CYRIA: variants seen among roughly 807,000 people sequenced by gnomAD.
CYRIA encodes CYFIP-related Rac1 interactor A.
CYRIA carries 15 observed loss-of-function variants against 43.9 expected under a neutral mutation model. The observed-to-expected ratio is 0.34, with a 90% CI of 0.23 to 0.53. CYRIA has a LOEUF of 0.53. CYRIA is among the 20% of genes least tolerant of loss of function. The probability of loss-of-function intolerance (pLI) is 0.94; values close to 1 mark genes in which losing one functional copy is unlikely to be tolerated. For missense variants in CYRIA, 236 were observed against 394.2 expected, an observed-to-expected ratio of 0.60 and a Z score of 3.40; for synonymous variants, 117 against 136.0, an observed-to-expected ratio of 0.86 and a Z score of 0.97.
intron 3 of CYRIA, among the ~76,000 whole-genome samples, chr2:16,578,554 G>C (rs1401692355): frequency 6.6e-6 from 1 of 152,092 alleles, no homozygotes; most frequent in Non-Finnish European, 1.5e-5. Context: ...CTATTTATTA[G>C]GTTGGTGCAA....
chr2:16,634,564 A>T (rs1669434454), intron 1 of CYRIA, among the ~76,000 whole-genome samples: 1 of 152,236 alleles, frequency 6.6e-6, no homozygotes, highest in Non-Finnish European at 1.5e-5. Flanking sequence ...GAAGAGGGGG[A>T]TAACTCCACT....
chr2:16,653,454 C>A (rs1415270780), intron 1 of CYRIA, among the ~76,000 whole-genome samples: 1 of 152,224 alleles, frequency 6.6e-6, no homozygotes, highest in Non-Finnish European at 1.5e-5. Context: ...ACTCTTTCCC[C>A]AAACTTGCTG....
At chr2:16,646,538 C>T (rs1289882937) in intron 1 of CYRIA, among the ~76,000 whole-genome samples, 1 of 152,178 alleles carries the variant, frequency 6.6e-6, no homozygotes, top group African/African-American at 2.4e-5. Context: ...CCAGAGAAGC[C>T]ACGTGCAGTG....
In CYRIA at chr2:16,588,036, T is replaced by G; in HGVS notation, c.70+14A>C. The G allele has an allele frequency of 1.3e-6, 2 of 1,555,018 alleles. No homozygotes were observed. Among genetic ancestry groups the G allele is most frequent in the Non-Finnish European group, 1.8e-6 (2 of 1,133,940 alleles). ...TGTAAAAAAGTTTCCATTATTATAA[T>G]TTTTGGAACTTACTTTCAAAATCCA... is the stretch of plus-strand genomic sequence containing the variant. On this transcript the variant is annotated intron_variant, in intron 3 of 11. Transcript: ENST00000381323.
At chr2:16,591,279 G>A (rs1667921240) in intron 2 of CYRIA, among the ~76,000 whole-genome samples, 1 of 152,148 alleles carries the variant, frequency 6.6e-6, no homozygotes, top group South Asian at 2.1e-4. Flanking sequence ...CTAGAGGCAA[G>A]AAATAGATGA....
chr2:16,654,847 G>T (rs1176477128), intron 1 of CYRIA, among the ~76,000 whole-genome samples: 4 of 152,074 alleles, frequency 2.6e-5, no homozygotes, highest in Non-Finnish European at 5.9e-5. Flanking sequence ...AAAATTAAGG[G>T]TCATGACTGG....
chr2:16,626,292 A>G (rs191406131), intron 1 of CYRIA, among the ~76,000 whole-genome samples: 38 of 152,238 alleles, frequency 2.5e-4, no homozygotes, highest in African/African-American at 8.4e-4. Flanking sequence ...CTGGCTACGC[A>G]TCTAAGAAGC....
rs539710010 is a variant in CYRIA, at chr2:16,611,943, A to G, written c.-11+11921T>C. Among the ~76,000 whole-genome samples the G allele has an allele frequency of 2.0e-4, 31 of 152,248 alleles. No homozygotes were observed. The South Asian group carries it at 6.2e-3, about 31-fold the overall frequency. ...GGGTGGCTCTTAAGCCTGCTCTGAA[A>G]GTAGTTTCCTGCCAGGCCACGATGC... On this transcript the variant is annotated intron_variant, in intron 2 of 11. Coordinates refer to ENST00000381323, the MANE Select transcript of CYRIA (RefSeq NM_030797.4).
chr2:16,592,279 G>T (rs1408184708), intron 2 of CYRIA, among the ~76,000 whole-genome samples: 1 of 152,066 alleles, frequency 6.6e-6, no homozygotes, highest in East Asian at 1.9e-4. Flanking sequence ...TTGGATAAAG[G>T]ATACTCAAAC....
intron 2 of CYRIA, chr2:16,623,142 G>T (rs1454501354): frequency 6.6e-6 from 1 of 152,186 alleles, no homozygotes; most frequent in Non-Finnish European, 1.5e-5. Context: ...CTGGGCCTGC[G>T]TAAGAGAGAT....
Position 16,650,732 on chromosome 2 carries a change from G to A in CYRIA, c.-167+15048C>T, listed in dbSNP as rs572669231. On this transcript the variant is annotated intron_variant, in intron 1 of 11. Transcript: ENST00000381323. This position sits in a 1 kb window ranked among gnomAD's most constrained non-coding sequence, Gnocchi z 4.1. ...CCATTACATGCCTGCAACCGGCACC[G>A]GGAATGGCAACAATCAGAGGGTGTG... 2.6e-5 allele frequency among the ~76,000 whole-genome samples: 4 copies of A among 152,254 alleles called. No individual in the cohort carries two copies. Among genetic ancestry groups the A allele is most frequent in the South Asian group, 2.1e-4 (1 of 4,818 alleles).
At chr2:16,609,486 C>T (rs1442406312) in intron 2 of CYRIA, among the ~76,000 whole-genome samples, 2 of 152,168 alleles carry the variant, frequency 1.3e-5, no homozygotes, top group Non-Finnish European at 2.9e-5. Flanking sequence ...ACCACGGGAC[C>T]CTTGCACTTG....
intron 2 of CYRIA, among the ~76,000 whole-genome samples, chr2:16,605,361 A>G (rs1668361308): frequency 6.6e-6 from 1 of 152,242 alleles, no homozygotes; most frequent in Admixed American, 6.5e-5. Context: ...TGCTAGTGAC[A>G]TGGAAGCAAT....
intron 2 of CYRIA, among the ~76,000 whole-genome samples, chr2:16,589,277 T>C (rs1232934868): frequency 6.6e-6 from 1 of 152,100 alleles, no homozygotes; most frequent in Non-Finnish European, 1.5e-5. Flanking sequence ...AATATTTATG[T>C]TGATACAAGG....
intron 1 of CYRIA, among the ~76,000 whole-genome samples, chr2:16,643,216 A>G (rs1464451452): frequency 6.6e-6 from 1 of 152,168 alleles, no homozygotes; most frequent in Non-Finnish European, 1.5e-5. Flanking sequence ...TGAAGTAGGC[A>G]TTCAATAAAT....
chr2:16,563,321 G>T (rs370322045), intron 5 of CYRIA, among the ~76,000 whole-genome samples: 1 of 152,014 alleles, frequency 6.6e-6, no homozygotes, highest in African/African-American at 2.4e-5. Context: ...TTAACATCAC[G>T]GTCATTACTC....
chr2:16,653,677 G>C (rs1670029677), intron 1 of CYRIA, among the ~76,000 whole-genome samples: 1 of 152,168 alleles, frequency 6.6e-6, no homozygotes, highest in South Asian at 2.1e-4. Context: ...CTCATTGTAG[G>C]TGCTCAATAA....
chr2:16,612,528 G>A (rs975526534), intron 2 of CYRIA, among the ~76,000 whole-genome samples: 1 of 152,158 alleles, frequency 6.6e-6, no homozygotes, highest in Admixed American at 6.5e-5. Flanking sequence ...AGTGAAATAT[G>A]TCCTCAATGA....
At chr2:16,630,287 G>C (rs1364222218) in intron 1 of CYRIA, among the ~76,000 whole-genome samples, 1 of 152,132 alleles carries the variant, frequency 6.6e-6, no homozygotes, top group African/African-American at 2.4e-5. Context: ...ACATCTGAGG[G>C]ACCCCCACCT....
Sources: allele counts gnomAD v4.1 joint callset (sites outside exome capture counted in the v4.1 genomes callset), GRCh38; gene constraint gnomAD v4.1.1; non-coding constraint Gnocchi (gnomAD v3.1); transcripts MANE v1.5; gene names NCBI Gene and HGNC (gene_info 2026-07-23, HGNC 2026-07-21).